The following PDGFRL variants were observed in gnomAD, a reference collection of about 807,000 sequenced individuals.
PDGFRL encodes platelet derived growth factor receptor like, also known as platelet-derived growth factor receptor-like protein.
PDGFRL carries 46 observed loss-of-function variants against 37.2 expected under a neutral mutation model. The observed-to-expected ratio is 1.24, with a 90% confidence interval of 0.98 to 1.58. The LOEUF (loss-of-function observed/expected upper bound fraction) is 1.58, where lower values mean the gene tolerates loss of function less well. Among genes scored for constraint, PDGFRL ranks in the 40% most tolerant of loss-of-function variants. The pLI is 0.00. For missense variants in PDGFRL, 692 were observed against 467.6 expected, an observed-to-expected ratio of 1.48 and a Z score of -4.43; for synonymous variants, 251 against 184.3, an observed-to-expected ratio of 1.36 and a Z score of -2.93.
At chr8:17,617,845 C>G (rs1347027064) in intron 2 of PDGFRL, among the ~76,000 whole-genome samples, 2 of 152,142 alleles carry the variant, frequency 1.3e-5, no homozygotes, top group Admixed American at 6.5e-5. Flanking sequence ...CACTACAGTG[C>G]TAGCAAATGC....
chr8:17,621,223 A>G (rs1804624738), intron 3 of PDGFRL, 21 bp downstream of exon 3: 2 of 1,570,678 alleles, frequency 1.3e-6, no homozygotes, highest in Non-Finnish European at 1.7e-6. Flanking sequence ...TGGTGCATTA[A>G]TGGAACTCTT....
chr8:17,577,420 T>C (rs990558000), intron 1 of PDGFRL, 113 bp downstream of exon 1: 3 of 887,012 alleles, frequency 3.4e-6, no homozygotes, highest in African/African-American at 3.3e-5. Context: ...CCTCGGTGGC[T>C]CAGCCCCCGC....
At chr8:17,605,156 G>A (rs1019640698) in intron 2 of PDGFRL, among the ~76,000 whole-genome samples, 2 of 151,978 alleles carry the variant, frequency 1.3e-5, no homozygotes, top group African/African-American at 2.4e-5. Flanking sequence ...ACAGGGAGAG[G>A]GAAGGAAGGA....
intron 1 of PDGFRL, among the ~76,000 whole-genome samples, chr8:17,585,857 TTGA>T (rs1338472380): frequency 6.6e-5 from 10 of 152,360 alleles, no homozygotes; most frequent in African/African-American, 2.4e-4. Flanking sequence ...TGATTCTCAG[TTGA>T]TGATGAATAA....
chr8:17,602,742 C>T (rs984980859), intron 2 of PDGFRL, among the ~76,000 whole-genome samples: 34 of 152,056 alleles, frequency 2.2e-4, no homozygotes, highest in African/African-American at 7.2e-4. Flanking sequence ...GTCTACTCTG[C>T]GATGCTTGTT....
intron 2 of PDGFRL, among the ~76,000 whole-genome samples, chr8:17,618,255 T>G (rs1359199005): frequency 6.6e-6 from 1 of 152,046 alleles, no homozygotes; most frequent in Non-Finnish European, 1.5e-5. Context: ...GGGGTTTTGC[T>G]ATGTTGCCCA....
upstream of PDGFRL, chr8:17,577,096 A>AAAAAAAAAAAAT: frequency 3.2e-6 from 3 of 936,914 alleles, no homozygotes; most frequent in Non-Finnish European, 4.6e-6. Flanking sequence ...AAAAAAAAAA[A>AAAAAAAAAAAAT]TTCCCCAACT....
intron 2 of PDGFRL, among the ~76,000 whole-genome samples, chr8:17,614,463 C>G (rs1804483654): frequency 6.6e-6 from 1 of 152,182 alleles, no homozygotes; most frequent in Non-Finnish European, 1.5e-5. Flanking sequence ...GAAACACAGA[C>G]AAGCAAATAC....
At chr8:17,641,543 G>A (rs1395121963) in intron 5 of PDGFRL, among the ~76,000 whole-genome samples, 5 of 152,312 alleles carry the variant, frequency 3.3e-5, no homozygotes, top group East Asian at 3.9e-4. Context: ...AAGCTGCTGT[G>A]AGCAGACATC....
At chr8:17,628,919 T>G (rs2129803720) in intron 4 of PDGFRL, 139 bp downstream of exon 4, 2 of 633,170 alleles carry the variant, frequency 3.2e-6, no homozygotes, top group South Asian at 4.0e-5. Flanking sequence ...TGTTGTTTTT[T>G]TTTCTCTTTT....
In PDGFRL at chr8:17,642,486, A is replaced by G. The variant is rs1270804371; in HGVS notation, c.940-127A>G. 7.5e-6 allele frequency: 5 copies of G among 669,062 alleles called. No homozygotes were observed. The African/African-American group carries it at 9.1e-5, about 12-fold the overall frequency. 41.4% of individuals were successfully genotyped at this position (669,062 alleles called of 1,614,324 possible). Reference sequence around the variant, plus strand: ...CTTCCACAGCTTATGAGCTACGCATACTAAACAGTCTTTTATAAGCATGTG... The same window carrying G: ...CTTCCACAGCTTATGAGCTACGCATGCTAAACAGTCTTTTATAAGCATGTG... On this transcript the variant is annotated intron_variant, in intron 5 of 5. Coordinates refer to ENST00000251630, the MANE Select transcript of PDGFRL (RefSeq NM_001372073.1).
chr8:17,578,721 C>G (rs975053307), intron 1 of PDGFRL, among the ~76,000 whole-genome samples: 2 of 152,176 alleles, frequency 1.3e-5, no homozygotes, highest in Non-Finnish European at 1.5e-5. Context: ...ATTCTGCCTC[C>G]TGGATCTCAC....
At chr8:17,618,056 ATTTTTAT>A (rs1308786642) in intron 2 of PDGFRL, among the ~76,000 whole-genome samples, 7 of 150,358 alleles carry the variant, frequency 4.7e-5, no homozygotes, top group Non-Finnish European at 7.4e-5. Context: ...TGATCTTTCC[ATTTTTAT>A]TTTTTATTTT....
intron 1 of PDGFRL, among the ~76,000 whole-genome samples, chr8:17,585,639 C>G (rs1236693748): frequency 6.6e-6 from 1 of 152,046 alleles, no homozygotes; most frequent in Admixed American, 6.5e-5. Flanking sequence ...AACTGAGGAG[C>G]TACTTTTAGG....
intron 1 of PDGFRL, among the ~76,000 whole-genome samples, chr8:17,582,372 A>G (rs1030838912): frequency 5.9e-5 from 9 of 152,106 alleles, no homozygotes; most frequent in Non-Finnish European, 1.3e-4. Flanking sequence ...TCATGAGGTC[A>G]GGAGATCGAG....
chr8:17,632,970 T>C (rs985872945), intron 4 of PDGFRL, among the ~76,000 whole-genome samples: 2 of 152,020 alleles, frequency 1.3e-5, no homozygotes, highest in Non-Finnish European at 2.9e-5. Flanking sequence ...CCTTTTGGAG[T>C]ACTCTGGGCT....
chr8:17,615,711 T>TC (rs1465846991), intron 2 of PDGFRL, among the ~76,000 whole-genome samples: 2 of 152,036 alleles, frequency 1.3e-5, no homozygotes, highest in Non-Finnish European at 2.9e-5. Flanking sequence ...GGCCAGGAAT[T>TC]CAAGACTAGC....
intron 3 of PDGFRL, 120 bp downstream of exon 3, chr8:17,621,322 A>G: frequency 1.6e-6 from 1 of 614,302 alleles, no homozygotes; most frequent in South Asian, 2.5e-5. Flanking sequence ...CCTGTTTGCC[A>G]GGCTCTGGGC....
At chr8:17,579,494 C>T (rs979218079) in intron 1 of PDGFRL, among the ~76,000 whole-genome samples, 5 of 151,664 alleles carry the variant, frequency 3.3e-5, no homozygotes, top group Non-Finnish European at 5.9e-5. Context: ...ACTTGTTTCA[C>T]TGCCTTTTAG....
Sources: allele counts gnomAD v4.1 joint callset (sites outside exome capture counted in the v4.1 genomes callset), GRCh38; gene constraint gnomAD v4.1.1; transcripts MANE v1.5; gene names NCBI Gene and HGNC (gene_info 2026-07-23, HGNC 2026-07-21).